HAPSTR1: variants seen among roughly 807,000 people sequenced by gnomAD.
HAPSTR1 encodes the protein HUWE1-associated protein modifying stress responses 1.
At chr16:9,105,181 A>G in the HAPSTR1 span, 3 of 152,220 alleles carry the variant, frequency 2.0e-5, no homozygotes, top group African/African-American at 7.2e-5. Context: ...TTAAGCAATG[A>G]TACAGTTGAA....
the HAPSTR1 span, chr16:9,092,782 C>A: frequency 2.2e-6 from 2 of 929,056 alleles, no homozygotes; most frequent in Non-Finnish European, 3.2e-6. Flanking sequence ...TCCCGAAACC[C>A]CTGAACAAAA....
At chr16:9,098,989 T>G in the HAPSTR1 span, among the ~76,000 whole-genome samples, 1 of 152,300 alleles carries the variant, frequency 6.6e-6, no homozygotes, top group African/African-American at 2.4e-5. Flanking sequence ...CTGATTAATT[T>G]TATGCAGTTA....
chr16:9,107,820 G>A, the HAPSTR1 span: 1 of 151,874 alleles, frequency 6.6e-6, no homozygotes. Flanking sequence ...TTGTTTCTGT[G>A]ACTGTTCCAT....
At chr16:9,121,549 G>T in the HAPSTR1 span, 1 of 150,832 alleles carries the variant, frequency 6.6e-6, no homozygotes, top group East Asian at 1.9e-4. Flanking sequence ...ACCAGGTCTG[G>T]GAACCTAGGT....
chr16:9,094,309 T>A, the HAPSTR1 span, among the ~76,000 whole-genome samples: 1 of 152,320 alleles, frequency 6.6e-6, no homozygotes, highest in South Asian at 2.1e-4. Flanking sequence ...AGCTGTTTGT[T>A]AAATTGTGAC....
chr16:9,118,348 C>T, the HAPSTR1 span: 2 of 152,596 alleles, frequency 1.3e-5, no homozygotes, highest in African/African-American at 4.8e-5. Context: ...CCAGTAATTA[C>T]TCACAGCACT....
At chr16:9,116,476 A>G in the HAPSTR1 span, among the ~76,000 whole-genome samples, 1 of 152,112 alleles carries the variant, frequency 6.6e-6, no homozygotes, top group Non-Finnish European at 1.5e-5. Flanking sequence ...TATTGGTAGT[A>G]TTACCAATAA....
At chr16:9,092,030 G>T in the HAPSTR1 span, 1 of 1,494,826 alleles carries the variant, frequency 6.7e-7, no homozygotes, top group East Asian at 2.8e-5. Flanking sequence ...GCGAGGCCGC[G>T]GGAGGCCGCG....
the HAPSTR1 span, chr16:9,092,892 G>C: frequency 2.4e-6 from 3 of 1,267,512 alleles, no homozygotes; most frequent in Non-Finnish European, 3.3e-6. Flanking sequence ...TTTCTTTTTG[G>C]TTTTTTTTTT....
At chr16:9,100,224 G>A in the HAPSTR1 span, among the ~76,000 whole-genome samples, 1 of 152,250 alleles carries the variant, frequency 6.6e-6, no homozygotes, top group East Asian at 1.9e-4. Flanking sequence ...TTGGTCAGTT[G>A]CATAATTTTT....
At chr16:9,103,351 T>A in the HAPSTR1 span, 1 of 1,359,538 alleles carries the variant, frequency 7.4e-7, no homozygotes, top group Non-Finnish European at 9.9e-7. Context: ...CCAGATATAC[T>A]GTTTTTTGTC....
At chr16:9,113,019 TTTTTTTTGTTTTTTTTTG>T in the HAPSTR1 span, 1 of 143,354 alleles carries the variant, frequency 7.0e-6, no homozygotes, top group Non-Finnish European at 1.5e-5. Context: ...TTTTTTTTTG[TTTTTTTTGTTTTTTTTTG>T]TTTTTTTTTT....
the HAPSTR1 span, among the ~76,000 whole-genome samples, chr16:9,096,919 T>C: frequency 4.6e-5 from 7 of 152,210 alleles, no homozygotes; most frequent in Admixed American, 2.0e-4. Flanking sequence ...TATAATAGAC[T>C]GCTTTTTTTG....
the HAPSTR1 span, chr16:9,092,844 C>T: frequency 1.4e-5 from 19 of 1,395,008 alleles, no homozygotes; most frequent in Middle Eastern, 2.4e-4. Context: ...AAATAACATT[C>T]TTGTTCTCTT....
At chr16:9,092,261 C>G in the HAPSTR1 span, 1 of 1,563,344 alleles carries the variant, frequency 6.4e-7, no homozygotes, top group African/African-American at 1.4e-5. Flanking sequence ...CGTGGCCCAG[C>G]TCTACAAAGG....
chr16:9,099,047 C>T, the HAPSTR1 span, among the ~76,000 whole-genome samples: 1 of 151,826 alleles, frequency 6.6e-6, no homozygotes, highest in African/African-American at 2.4e-5. Context: ...AATTCTTTGC[C>T]CTCTGCCCCC....
the HAPSTR1 span, among the ~76,000 whole-genome samples, chr16:9,097,390 C>T: frequency 3.3e-4 from 50 of 152,106 alleles, no homozygotes; most frequent in African/African-American, 1.2e-3. Flanking sequence ...CACAGGCACC[C>T]ATCACCATGC....
chr16:9,106,906 T>G, the HAPSTR1 span: 1 of 152,172 alleles, frequency 6.6e-6, no homozygotes, highest in Non-Finnish European at 1.5e-5. Context: ...ATCTTCTGGA[T>G]CACTTTGTGG....
At chr16:9,113,621 T>G in the HAPSTR1 span, among the ~76,000 whole-genome samples, 1 of 152,208 alleles carries the variant, frequency 6.6e-6, no homozygotes, top group Non-Finnish European at 1.5e-5. Flanking sequence ...ATCTTGATTT[T>G]AATTATTGAA....
Sources: allele counts gnomAD v4.1 joint callset (sites outside exome capture counted in the v4.1 genomes callset), GRCh38; gene constraint gnomAD v4.1.1; transcripts MANE v1.5; gene names NCBI Gene and HGNC (gene_info 2026-07-23, HGNC 2026-07-21).